BLTP1: variants seen among roughly 807,000 people sequenced by gnomAD.
The protein encoded by BLTP1 is fragile site-associated protein.
the BLTP1 span, chr4:122,333,948 CAGA>C: frequency 1.9e-6 from 2 of 1,073,612 alleles, no homozygotes; most frequent in Non-Finnish European, 2.6e-6. Context: ...ATATTCTGGA[CAGA>C]AGAACATCAA....
the BLTP1 span, chr4:122,272,326 G>A: frequency 1.2e-6 from 2 of 1,612,780 alleles, no homozygotes; most frequent in African/African-American, 1.3e-5. Context: ...CACACCTAGA[G>A]GCAGATATTG....
At chr4:122,158,379 G>A in the BLTP1 span, among the ~76,000 whole-genome samples, 1 of 152,182 alleles carries the variant, frequency 6.6e-6, no homozygotes, top group Non-Finnish European at 1.5e-5. Flanking sequence ...ACCATTAAAA[G>A]TAGATAACAT....
chr4:122,319,564 CAG>C, the BLTP1 span, among the ~76,000 whole-genome samples: 124 of 138,554 alleles, frequency 8.9e-4, no homozygotes, highest in Middle Eastern at 4.2e-3. Context: ...TTTTTTGACA[CAG>C]AGTCTCGCTC....
At chr4:122,329,612 A>C in the BLTP1 span, among the ~76,000 whole-genome samples, 1 of 150,604 alleles carries the variant, frequency 6.6e-6, no homozygotes, top group Non-Finnish European at 1.5e-5. Context: ...ATATCTCTTT[A>C]CTTTTTATGT....
the BLTP1 span, chr4:122,187,601 T>A: frequency 7.4e-7 from 1 of 1,354,268 alleles, no homozygotes; most frequent in Non-Finnish European, 1.0e-6. Flanking sequence ...GTAAGAAAAT[T>A]AAATAGTTTT....
At chr4:122,173,020 T>A in the BLTP1 span, 2 of 1,612,514 alleles carry the variant, frequency 1.2e-6, no homozygotes, top group Non-Finnish European at 8.5e-7. Flanking sequence ...ATTTCTGATT[T>A]TTTTCCTCCC....
the BLTP1 span, chr4:122,282,178 C>G: frequency 1.6e-6 from 1 of 609,040 alleles, no homozygotes; most frequent in East Asian, 1.4e-4. Context: ...GTTTTGTGAC[C>G]CTTATATTAA....
chr4:122,262,525 A>G, the BLTP1 span, among the ~76,000 whole-genome samples: 2 of 152,192 alleles, frequency 1.3e-5, no homozygotes, highest in African/African-American at 4.8e-5. Flanking sequence ...GTGCTTCATT[A>G]TAATATTGAT....
the BLTP1 span, among the ~76,000 whole-genome samples, chr4:122,239,247 A>T: frequency 6.6e-6 from 1 of 152,146 alleles, no homozygotes; most frequent in East Asian, 1.9e-4. Flanking sequence ...ATTAGTGTCC[A>T]TGGATTATGG....
chr4:122,329,052 C>T, the BLTP1 span, among the ~76,000 whole-genome samples: 22 of 151,724 alleles, frequency 1.5e-4, no homozygotes, highest in African/African-American at 5.1e-4. Flanking sequence ...ATTCTTTCCT[C>T]CCTTTCCTAG....
the BLTP1 span, chr4:122,167,579 T>C: frequency 2.1e-5 from 17 of 791,294 alleles, no homozygotes; most frequent in Non-Finnish European, 2.6e-5. Context: ...CTACTGGCCA[T>C]GGATGTTCTT....
At chr4:122,305,150 GA>G in the BLTP1 span, 3 of 973,792 alleles carry the variant, frequency 3.1e-6, no homozygotes, top group Non-Finnish European at 3.7e-6. Flanking sequence ...GCATTTCATT[GA>G]AAATTGTAGC....
At chr4:122,155,546 A>G in the BLTP1 span, among the ~76,000 whole-genome samples, 2 of 151,808 alleles carry the variant, frequency 1.3e-5, no homozygotes, top group South Asian at 2.1e-4. Flanking sequence ...CTGGTCTCGA[A>G]CTCCTAACCT....
chr4:122,253,266 C>T, the BLTP1 span, among the ~76,000 whole-genome samples: 4 of 152,064 alleles, frequency 2.6e-5, no homozygotes, highest in Non-Finnish European at 5.9e-5. Context: ...CGTCCACAAA[C>T]ATCAAAAACA....
chr4:122,219,002 G>C, the BLTP1 span: 2 of 216,144 alleles, frequency 9.3e-6, no homozygotes, highest in African/African-American at 4.7e-5. Context: ...TGAGAACTCT[G>C]AGGAGCAGTG....
chr4:122,174,930 C>A, the BLTP1 span: 1 of 528,422 alleles, frequency 1.9e-6, no homozygotes, highest in Non-Finnish European at 2.4e-6. Context: ...CATTTTATAT[C>A]ACAGAGTTCA....
chr4:122,207,351 T>A, the BLTP1 span: 1 of 1,395,142 alleles, frequency 7.2e-7, no homozygotes. Flanking sequence ...TTGATAGTTT[T>A]AACAGATACT....
the BLTP1 span, among the ~76,000 whole-genome samples, chr4:122,326,501 G>A: frequency 6.6e-6 from 1 of 151,622 alleles, no homozygotes; most frequent in South Asian, 2.1e-4. Flanking sequence ...ATCTCATACT[G>A]AATTTAGTCA....
At chr4:122,249,583 G>C in the BLTP1 span, 2 of 1,613,754 alleles carry the variant, frequency 1.2e-6, no homozygotes, top group South Asian at 1.1e-5. Context: ...GGATGAAACT[G>C]ATCAGCAAGC....
Sources: gnomAD v4.1 joint callset for allele counts (sites outside exome capture counted in the v4.1 genomes callset) on GRCh38, gnomAD v4.1.1 for gene constraint, MANE v1.5 for transcripts, NCBI Gene and HGNC (gene_info 2026-07-23, HGNC 2026-07-21) for gene names.